The following KCNH2 variants were observed in gnomAD, a reference collection of about 807,000 sequenced individuals.
The protein encoded by KCNH2 is voltage-gated inwardly rectifying potassium channel KCNH2.
Under a neutral mutation model 95.9 loss-of-function variants are expected in KCNH2, and 35 were observed. The ratio of observed to expected loss-of-function variants is 0.37; its 90% CI spans 0.28 to 0.48. The LOEUF is 0.48. Among genes scored for constraint, KCNH2 ranks in the 20% least tolerant of loss-of-function variants. KCNH2 has a pLI of 0.99. For synonymous variants in KCNH2, 786 were observed against 754.7 expected, an observed-to-expected ratio of 1.04 and a Z score of -0.68; for missense variants, 1,274 against 1,702.9, an observed-to-expected ratio of 0.75 and a Z score of 4.43.
At chr7:150,951,425 C>T (rs1362673266) in intron 7 of KCNH2, 23 bp downstream of exon 7, 25 of 1,613,012 alleles carry the variant, frequency 1.5e-5, no homozygotes, top group Admixed American at 8.3e-5. Flanking sequence ...CTCTCCCCGC[C>T]GCCCGCCCCT....
chr7:150,961,297 T>TC lies in KCNH2; in HGVS notation c.308-1562_308-1561insG, dbSNP rs1801560660. On this transcript the variant is annotated intron_variant, in intron 2 of 14. Coordinates refer to ENST00000262186, the MANE Select transcript of KCNH2 (RefSeq NM_000238.4). The surrounding 1 kb of genome is among the most constrained non-coding windows in gnomAD (Gnocchi z 6.2). ...CCATCTTAGCAACCCAGCCTCACTT[T>TC]TTTTTTTTTTTTTTTTCTGAGACAG... Among the ~76,000 whole-genome samples, 1 of 130,898 alleles carries TC rather than the reference T, an allele frequency of 7.6e-6. No homozygotes were observed. The highest frequency in any genetic ancestry group is 3.0e-5 in the African/African-American group (1 of 33,868). The allele number at this position is 130,898 out of a possible 152,430, so 85.9% of individuals were successfully genotyped here. A position where few individuals can be genotyped will look rare whatever the true frequency, so the allele number is the denominator to read the frequency against.
chr7:150,968,241 C>G (rs938061091), intron 2 of KCNH2, among the ~76,000 whole-genome samples: 1 of 152,164 alleles, frequency 6.6e-6, no homozygotes, highest in Non-Finnish European at 1.5e-5. Context: ...TCCAGCAATT[C>G]CACTCCCGGG....
At position 150,952,171 on chromosome 7, in the gene KCNH2, GA is replaced by G. The variant is rs35117381; in HGVS notation, c.1557+253del. Among the ~76,000 whole-genome samples, 43,542 of 151,938 alleles carry G rather than the reference GA, an allele frequency of 0.29. 6,934 individuals carry two copies. The highest frequency in any genetic ancestry group is 0.65 in the East Asian group (3,333 of 5,150). On this transcript the variant is annotated intron_variant, in intron 6 of 14. Transcript: ENST00000262186. This position sits in a 1 kb window ranked among gnomAD's most constrained non-coding sequence, Gnocchi z 7.3. ...ATGGCCCCTTGGGATGGACGAATTA[GA>G]AAAAAAGGTGTCCTGTGTGGCCCTC...
chr7:150,946,905 G>C lies in KCNH2; in HGVS notation c.3302C>G (p.Pro1101Arg), dbSNP rs199473041. The C allele has an allele frequency of 6.3e-7, 1 of 1,599,452 alleles. No individual in the cohort carries two copies. The highest frequency in any genetic ancestry group is 1.7e-4 in the Middle Eastern group (1 of 5,994). Reference sequence around the variant, plus strand: ...AGAAAGCGAGTCCAAGGTGAGGGTGGGGAGGGGGCTGACGGGCAACAGCGG... The same window carrying C: ...AGAAAGCGAGTCCAAGGTGAGGGTGCGGAGGGGGCTGACGGGCAACAGCGG... ...TSPLLPVSPL[P>R]TLTLDSLSQV... Residue 1101 changes from proline to arginine, a missense_variant, in exon 14 of 15, where the codon CCC becomes CGC. Transcript: ENST00000262186. The surrounding 1 kb of genome is among the most constrained non-coding windows in gnomAD (Gnocchi z 6.5).
At chr7:150,948,329 AG>A (rs1800994933) in intron 11 of KCNH2, 114 bp downstream of exon 11, 7 of 843,020 alleles carry the variant, frequency 8.3e-6, no homozygotes, top group Non-Finnish European at 1.3e-5. Context: ...GGCACACTGG[AG>A]GAAGGGATGG....
chr7:150,969,103 T>C (rs1317627643), intron 2 of KCNH2, among the ~76,000 whole-genome samples: 1 of 152,064 alleles, frequency 6.6e-6, no homozygotes, highest in African/African-American at 2.4e-5. Flanking sequence ...CCAGAAGGGC[T>C]CTCTGGGGGC....
chr7:150,959,928 C>A (rs753703396), intron 2 of KCNH2, among the ~76,000 whole-genome samples, 192 bp from the exon 3 acceptor site: 19 of 152,226 alleles, frequency 1.2e-4, no homozygotes, highest in Non-Finnish European at 2.8e-4. Context: ...TCCCCTCAAT[C>A]TGTCTACCCC....
At chr7:150,958,635 T>G in intron 3 of KCNH2, 133 bp from the exon 4 acceptor site, 1 of 605,720 alleles carries the variant, frequency 1.7e-6, no homozygotes, top group South Asian at 3.1e-5. Context: ...CCACTTCCAT[T>G]CACAATATTT....
intron 9 of KCNH2, chr7:150,949,499 T>C (rs1031344370): frequency 1.3e-5 from 10 of 754,348 alleles, no homozygotes; most frequent in African/African-American, 1.2e-4. Flanking sequence ...ATGAACCACA[T>C]GCAGTAAGGC....
intron 2 of KCNH2, among the ~76,000 whole-genome samples, chr7:150,960,869 C>A (rs1801548742): frequency 2.6e-5 from 4 of 151,548 alleles, no homozygotes; most frequent in Admixed American, 2.6e-4. Context: ...CCCACCGCCC[C>A]CCGCCCCCCA....
intron 2 of KCNH2, among the ~76,000 whole-genome samples, chr7:150,970,264 C>G (rs1023886174): frequency 6.7e-6 from 1 of 149,514 alleles, no homozygotes; most frequent in Non-Finnish European, 1.5e-5. Flanking sequence ...AGTCTCCCCC[C>G]TCACACACCC....
intron 2 of KCNH2, among the ~76,000 whole-genome samples, chr7:150,968,850 C>T (rs959394253): frequency 1.3e-5 from 2 of 152,154 alleles, no homozygotes; most frequent in Admixed American, 6.5e-5. Context: ...TCATTTCCCA[C>T]GATTGCAACA....
chr7:150,955,334 G>T, intron 5 of KCNH2: 1 of 1,497,390 alleles, frequency 6.7e-7, no homozygotes, highest in African/African-American at 1.4e-5. Flanking sequence ...GAGCCCTTGG[G>T]CCAGCCACCT....
At position 150,974,742 on chromosome 7, in the gene KCNH2, G is replaced by A. The variant is rs753629014; in HGVS notation, c.276C>T (p.Arg92=). 2.4e-5 allele frequency: 37 copies of A among 1,558,214 alleles called. No homozygotes were observed. The highest frequency in any genetic ancestry group is 3.0e-5 in the Non-Finnish European group (34 of 1,147,122). ...TCCGGTAGAAGGCGATTTCCACTTT[G>A]CGCTCCTCGGCGCCCAGCAGTGCCT... ...IAQALLGAEE[R]KVEIAFYRKD... is the part of the protein sequence containing the mutation. Residue 92 remains arginine, a synonymous_variant, in exon 2 of 15, where the codon CGC becomes CGT. Coordinates refer to ENST00000262186, the MANE Select transcript of KCNH2 (RefSeq NM_000238.4).
rs769368735 is a variant in KCNH2, at chr7:150,957,490, G to T, written c.929C>A (p.Pro310Gln). ...PRHASTGAMHPLRSGLLNSTS... is the reference protein window; with the variant it reads ...PRHASTGAMHQLRSGLLNSTS... ...GGAGTTGAGCAAGCCGCTGCGCAGT[G>T]GGTGCATGGCCCCTAGGTGGAGAGG... is the stretch of plus-strand genomic sequence containing the variant. Residue 310 changes from proline to glutamine, a missense_variant, in exon 5 of 15, where the codon CCA becomes CAA. By Grantham distance (76) the Pro-to-Gln change is moderately conservative (BLOSUM62 -1). This residue lies in a region of KCNH2 where 392 missense variants were observed against 429.9 expected (regional missense o/e 0.91). Transcript: ENST00000262186. 5 of 1,613,290 alleles carry T rather than the reference G, an allele frequency of 3.1e-6. No homozygotes were observed. The highest frequency in any genetic ancestry group is 4.2e-6 in the Non-Finnish European group (5 of 1,179,828).
At chr7:150,970,088 T>G (rs1427480425) in intron 2 of KCNH2, among the ~76,000 whole-genome samples, 1 of 151,944 alleles carries the variant, frequency 6.6e-6, no homozygotes, top group Admixed American at 6.5e-5. Context: ...GAGGGGGCAA[T>G]GAGAGAGAAC....
rs2051718795 is a variant in KCNH2 at position 150,952,362 on chromosome 7, T to C, written c.1557+63A>G. On this transcript the variant is annotated intron_variant, in intron 6 of 14. Transcript: ENST00000262186. This position sits in a 1 kb window ranked among gnomAD's most constrained non-coding sequence, Gnocchi z 7.3. ...CTCCTCGCCACCCCCTCCACCCCAC[T>C]ACCTCCCACCACATTCCTGGCCTCT... The C allele has an allele frequency of 2.0e-6, 3 of 1,484,426 alleles. No homozygotes were observed. Among genetic ancestry groups the C allele is most frequent in the Non-Finnish European group, 2.8e-6 (3 of 1,076,440 alleles). The allele number at this position is 1,484,426 out of a possible 1,614,324, so 92.0% of individuals were successfully genotyped here. A position where few individuals can be genotyped will look rare whatever the true frequency, so the allele number is the denominator to read the frequency against.
At position 150,962,379 on chromosome 7, in the gene KCNH2, T is replaced by C. The variant is rs1801589924; in HGVS notation, c.308-2643A>G. 6.6e-6 allele frequency among the ~76,000 whole-genome samples: 1 copy of C among 152,028 alleles called. No individual in the cohort carries two copies. Among genetic ancestry groups the C allele is most frequent in the African/African-American group, 2.4e-5 (1 of 41,378 alleles). ...TCTAGAGTCTGGAGCCAAGATGGAC[T>C]CAAACTTCAGAATGGGCTGGAGACT... On this transcript the variant is annotated intron_variant, in intron 2 of 14. Transcript: ENST00000262186. This position sits in a 1 kb window ranked among gnomAD's most constrained non-coding sequence, Gnocchi z 5.7.
At position 150,958,185 on chromosome 7, in the gene KCNH2, TG is replaced by T; in HGVS notation, c.789del (p.Ser264AlafsTer96). ...AHSLNPDASGSSCSLARTRSR... is the reference protein window; with the variant it reads ...AHSLNPDASGXSCSLARTRSR... ...GAGCGCGTCCGGGCCAGGCTGCAGC[TG>T]GAGCCCGAGGCGTCGGGGTTGAGGC... On this transcript the variant is annotated frameshift_variant, in exon 4 of 15. Transcript: ENST00000262186. LOFTEE classifies it high-confidence loss of function. 1 of 1,358,710 alleles carries T rather than the reference TG, an allele frequency of 7.4e-7. No individual in the cohort carries two copies. The highest frequency in any genetic ancestry group is 1.8e-5 in the South Asian group (1 of 55,200). 84.2% of individuals were successfully genotyped at this position (1,358,710 alleles called of 1,614,324 possible). A position where few individuals can be genotyped will look rare whatever the true frequency, so the allele number is the denominator to read the frequency against.
Sources: gnomAD v4.1 joint callset for allele counts (sites outside exome capture counted in the v4.1 genomes callset) on GRCh38, gnomAD v4.1.1 for gene constraint, gnomAD v4.1.1 regional missense constraint, Gnocchi (gnomAD v3.1) non-coding constraint, MANE v1.5 for transcripts, NCBI Gene and HGNC (gene_info 2026-07-23, HGNC 2026-07-21) for gene names.